KATNIP: variants seen among roughly 807,000 people sequenced by gnomAD.
KATNIP encodes the protein katanin-interacting protein.
A neutral mutation model predicts 174.0 loss-of-function variants in KATNIP; 126 were observed. The ratio of observed to expected loss-of-function variants is 0.72; its 90% confidence interval spans 0.63 to 0.84. The LOEUF is 0.84. Ranked by LOEUF, KATNIP falls within the 40% of genes least tolerant of loss-of-function variation. KATNIP has a pLI of 0.00. For missense variants in KATNIP, 1,958 were observed against 2,109.7 expected, an observed-to-expected ratio of 0.93 and a Z score of 1.41; for synonymous variants, 810 against 835.7, an observed-to-expected ratio of 0.97 and a Z score of 0.53.
At chr16:27,587,078 C>G (rs962600386) in intron 2 of KATNIP, among the ~76,000 whole-genome samples, 3 of 152,114 alleles carry the variant, frequency 2.0e-5, no homozygotes, top group Admixed American at 2.0e-4. Context: ...GGGTTCACAT[C>G]CTGGCTCTAC....
At chr16:27,707,428 GAGAAACAGAA>G (rs1473211894) in intron 12 of KATNIP, among the ~76,000 whole-genome samples, 2 of 152,314 alleles carry the variant, frequency 1.3e-5, no homozygotes, top group South Asian at 2.1e-4. Flanking sequence ...CAATGAAGGA[GAGAAACAGAA>G]AGAAACAGAC....
At chr16:27,671,090 G>A (rs964076280) in intron 6 of KATNIP, among the ~76,000 whole-genome samples, 7 of 152,172 alleles carry the variant, frequency 4.6e-5, no homozygotes, top group Admixed American at 3.9e-4. Context: ...CTACTCGGGA[G>A]GCTGAGGCAG....
chr16:27,716,999 A>G (rs1240970771), intron 13 of KATNIP, among the ~76,000 whole-genome samples: 3 of 151,906 alleles, frequency 2.0e-5, no homozygotes, highest in Non-Finnish European at 2.9e-5. Flanking sequence ...CGGCGCCACC[A>G]CACCCGGCTA....
chr16:27,611,027 T>C (rs938242881), intron 2 of KATNIP, among the ~76,000 whole-genome samples: 3 of 152,150 alleles, frequency 2.0e-5, no homozygotes, highest in Non-Finnish European at 4.4e-5. Context: ...GTCTCATGTC[T>C]CCCTAAAATG....
chr16:27,724,600 G>A (rs1402734880), intron 14 of KATNIP, among the ~76,000 whole-genome samples: 1 of 152,164 alleles, frequency 6.6e-6, no homozygotes, highest in Non-Finnish European at 1.5e-5. Context: ...CCACACCCAG[G>A]GTGGAGTGTG....
intron 12 of KATNIP, chr16:27,708,375 A>C: frequency 4.2e-6 from 1 of 240,368 alleles, no homozygotes; most frequent in Non-Finnish European, 8.1e-6. Context: ...GCTTCTGGGT[A>C]CCGAACACTG....
intron 2 of KATNIP, among the ~76,000 whole-genome samples, chr16:27,597,391 T>C (rs7197323): frequency 7.7e-6 from 1 of 130,082 alleles, no homozygotes; most frequent in Admixed American, 8.5e-5. Flanking sequence ...TTTTTTAATG[T>C]ATTTTCTTTT....
intron 11 of KATNIP, among the ~76,000 whole-genome samples, chr16:27,702,886 G>T (rs900482445): frequency 2.6e-5 from 4 of 152,204 alleles, no homozygotes; most frequent in Non-Finnish European, 5.9e-5. Context: ...TGAAAAGGCC[G>T]CCCGGTGCAG....
intron 18 of KATNIP, among the ~76,000 whole-genome samples, chr16:27,759,721 A>G (rs941870400): frequency 6.6e-6 from 1 of 152,206 alleles, no homozygotes; most frequent in African/African-American, 2.4e-5. Context: ...AGTGCTTTAC[A>G]GGCTCTGCTT....
intron 14 of KATNIP, among the ~76,000 whole-genome samples, chr16:27,735,815 C>T (rs1028898912): frequency 1.2e-4 from 18 of 152,132 alleles, no homozygotes; most frequent in African/African-American, 4.1e-4. Flanking sequence ...AGGTGAACAT[C>T]TCCAGGGTCT....
rs115722820 is a variant in KATNIP at position 27,637,021 on chromosome 16, C to T, written c.408+5859C>T. On this transcript the variant is annotated intron_variant, in intron 5 of 27. Coordinates refer to ENST00000261588, the MANE Select transcript of KATNIP (RefSeq NM_015202.5). This position sits in a 1 kb window ranked among gnomAD's most constrained non-coding sequence, Gnocchi z 4.7. The stretch of plus-strand genomic sequence containing the variant: ...CCTGCCAGCTGCACAGTGGCTAAGA[C>T]GCTTAACCCCTTGGTGCCTGCGCTC... 0.022 allele frequency among the ~76,000 whole-genome samples: 3,339 copies of T among 152,350 alleles called. 139 individuals are homozygous for T. The highest frequency in any genetic ancestry group is 0.077 in the African/African-American group (3,180 of 41,568).
intron 13 of KATNIP, among the ~76,000 whole-genome samples, chr16:27,716,209 A>G (rs143478503): frequency 6.6e-6 from 1 of 152,324 alleles, no homozygotes; most frequent in Non-Finnish European, 1.5e-5. Context: ...AGAAGGCTAT[A>G]TGTTGTATAA....
In KATNIP at chr16:27,756,811, G is replaced by A. The variant is rs957789271; in HGVS notation, c.3631+2560G>A. On this transcript the variant is annotated intron_variant, in intron 18 of 27. Coordinates refer to ENST00000261588, the MANE Select transcript of KATNIP (RefSeq NM_015202.5). ...GTTAGGGGTCGTCAGTTTCCACACA[G>A]CTGCGTTCAGTTACGAAAATGATGG... Among the ~76,000 whole-genome samples, 29 of 152,312 alleles carry A rather than the reference G, an allele frequency of 1.9e-4. No homozygotes were observed. The South Asian group carries it at 5.8e-3, about 30-fold the overall frequency.
chr16:27,749,524 GT>G, intron 15 of KATNIP, 59 bp from the exon 16 acceptor site: 2 of 1,502,092 alleles, frequency 1.3e-6, no homozygotes, highest in South Asian at 2.7e-5. Flanking sequence ...GTCTCTAATG[GT>G]CCCCACTTCC....
intron 14 of KATNIP, chr16:27,727,237 G>A: frequency 4.4e-6 from 1 of 229,356 alleles, no homozygotes; most frequent in Non-Finnish European, 9.6e-6. Flanking sequence ...TGCCCAGGCT[G>A]GAGTGCAGTG....
chr16:27,657,219 T>A (rs992397776), intron 6 of KATNIP, among the ~76,000 whole-genome samples: 1 of 152,014 alleles, frequency 6.6e-6, no homozygotes, highest in Non-Finnish European at 1.5e-5. Flanking sequence ...AATATGTGTG[T>A]ACATATTGAG....
At chr16:27,737,238 C>T (rs938163009) in intron 14 of KATNIP, among the ~76,000 whole-genome samples, 3 of 152,120 alleles carry the variant, frequency 2.0e-5, no homozygotes, top group Non-Finnish European at 4.4e-5. Context: ...TTTTAATTAG[C>T]TGGTCGTGGT....
In KATNIP at chr16:27,777,068, C is replaced by A; in HGVS notation, c.4551+39C>A. 1 of 1,331,314 alleles carries A rather than the reference C, an allele frequency of 7.5e-7. No individual in the cohort carries two copies. Among genetic ancestry groups the A allele is most frequent in the Non-Finnish European group, 1.1e-6 (1 of 926,792 alleles). The allele number at this position is 1,331,314 out of a possible 1,614,324, so 82.5% of individuals were successfully genotyped here. A position where few individuals can be genotyped will look rare whatever the true frequency, so the allele number is the denominator to read the frequency against. On this transcript the variant is annotated intron_variant, in intron 25 of 27. Transcript: ENST00000261588. The surrounding 1 kb of genome is among the most constrained non-coding windows in gnomAD (Gnocchi z 4.4). The stretch of plus-strand genomic sequence containing the variant: ...AGCTGAGTTTTTTGAGATAATTATG[C>A]TCGTTGGTAATTAGGCCGCCGGCAA...
At chr16:27,736,476 C>T (rs933634640) in intron 14 of KATNIP, among the ~76,000 whole-genome samples, 6 of 152,244 alleles carry the variant, frequency 3.9e-5, no homozygotes, top group African/African-American at 9.6e-5. Context: ...AAGAGGGGAC[C>T]GATGAGGTGG....
Sources: allele counts gnomAD v4.1 joint callset (sites outside exome capture counted in the v4.1 genomes callset), GRCh38; gene constraint gnomAD v4.1.1; non-coding constraint Gnocchi (gnomAD v3.1); transcripts MANE v1.5; gene names NCBI Gene and HGNC (gene_info 2026-07-23, HGNC 2026-07-21).